Variants in SRGAP2C observed in about 807,000 individuals in gnomAD.
SRGAP2C encodes the protein SLIT-ROBO Rho GTPase activating protein 2C.
SRGAP2C carries 15 observed loss-of-function variants against 25.1 expected under a neutral mutation model. That is an observed-to-expected ratio of 0.60 (90% CI 0.40 to 0.92). The LOEUF (loss-of-function observed/expected upper bound fraction) is 0.92, where lower values mean the gene tolerates loss of function less well. Among genes scored for constraint, SRGAP2C ranks in the 40% least tolerant of loss-of-function variants. The pLI is 0.00. For missense variants in SRGAP2C, 144 were observed against 264.4 expected (o/e 0.54, Z 3.16); for synonymous variants, 44 against 96.6 (o/e 0.46, Z 3.19).
At chr1:121,218,577 TAA>T (rs111467989) in intron 2 of SRGAP2C, among the ~76,000 whole-genome samples, 4 of 128,958 alleles carry the variant, frequency 3.1e-5, no homozygotes, top group Admixed American at 7.7e-5. Flanking sequence ...CCGTCTCTAC[TAA>T]AAAAAAAAAA....
In SRGAP2C at chr1:121,385,957, C is replaced by A. The variant is rs201396886; in HGVS notation, c.1057-549C>A. 2.3e-3 allele frequency among the ~76,000 whole-genome samples: 349 copies of A among 150,222 alleles called. 2 individuals are homozygous for A. Among genetic ancestry groups the A allele is most frequent in the African/African-American group, 8.2e-3 (335 of 40,618 alleles). ...GAAAATGCCAAGCTCCTTCAGATTC[C>A]ATACCCTCTCGGGCCCTCTAGCATA... On this transcript the variant is annotated intron_variant, in intron 8 of 9. Transcript: ENST00000367123.
intron 2 of SRGAP2C, among the ~76,000 whole-genome samples, chr1:121,193,163 ACT>A: frequency 7.7e-6 from 1 of 130,398 alleles, no homozygotes; most frequent in Non-Finnish European, 1.6e-5. Context: ...TATCTCCCTT[ACT>A]CTCTCTAATT....
At chr1:121,374,608 G>A (rs1162960548) in intron 6 of SRGAP2C, among the ~76,000 whole-genome samples, 2 of 152,146 alleles carry the variant, frequency 1.3e-5, no homozygotes, top group African/African-American at 4.8e-5. Flanking sequence ...TCAAAGCGGG[G>A]CACGCATCTT....
intron 2 of SRGAP2C, among the ~76,000 whole-genome samples, chr1:121,195,062 G>GA (rs1215852928): frequency 8.5e-5 from 12 of 141,178 alleles, no homozygotes; most frequent in Non-Finnish European, 1.1e-4. Flanking sequence ...AGAAAGAAAA[G>GA]AAAAAAAATC....
At chr1:121,366,208 C>T (rs1659317854) in intron 5 of SRGAP2C, among the ~76,000 whole-genome samples, 1 of 148,132 alleles carries the variant, frequency 6.8e-6, no homozygotes, top group Admixed American at 6.8e-5. Flanking sequence ...TCCAGGGTTT[C>T]TCCATCCTGT....
intron 2 of SRGAP2C, among the ~76,000 whole-genome samples, chr1:121,258,639 T>C (rs1656539388): frequency 6.8e-6 from 1 of 147,422 alleles, no homozygotes; most frequent in Non-Finnish European, 1.5e-5. Flanking sequence ...CTAATTTTTG[T>C]ATTTTTAGTA....
rs1355433810 is a variant in SRGAP2C, at chr1:121,392,134, G to A, written c.*4279G>A. On this transcript the variant is annotated 3_prime_UTR_variant, in exon 10 of 10. Transcript: ENST00000367123. ...TGAAGAGAAGAAAATGGAAAATACT[G>A]TCTCTGAGAAACAGAAAGAATAAAA... 3 of 152,150 alleles carry A rather than the reference G, an allele frequency of 2.0e-5. No individual in the cohort carries two copies. The highest frequency in any genetic ancestry group is 2.9e-5 in the Non-Finnish European group (2 of 68,016). The allele number at this position is 152,150 out of a possible 1,614,324, so 9.4% of individuals were successfully genotyped here. A position where few individuals can be genotyped will look rare whatever the true frequency, so the allele number is the denominator to read the frequency against.
intron 2 of SRGAP2C, among the ~76,000 whole-genome samples, chr1:121,262,481 C>G (rs1195412962): frequency 1.3e-5 from 1 of 76,614 alleles, no homozygotes. Flanking sequence ...CCAGGATCTA[C>G]ACATAGTTAA....
At chr1:121,221,725 A>AAC (rs1655527662) in intron 2 of SRGAP2C, among the ~76,000 whole-genome samples, 1 of 120,638 alleles carries the variant, frequency 8.3e-6, no homozygotes, top group South Asian at 2.5e-4. Flanking sequence ...AAAAAAAAAA[A>AAC]AAAAAAACAT....
In SRGAP2C at chr1:121,196,495, C is replaced by T. The variant is rs1366494424; in HGVS notation, c.67+8982C>T. 4.4e-4 allele frequency among the ~76,000 whole-genome samples: 36 copies of T among 82,480 alleles called. No homozygotes were observed. In the East Asian group the frequency reaches 8.9e-3, roughly 20 times the overall value. The allele number at this position is 82,480 out of a possible 152,430, so 54.1% of individuals were successfully genotyped here. A position where few individuals can be genotyped will look rare whatever the true frequency, so the allele number is the denominator to read the frequency against. On this transcript the variant is annotated intron_variant, in intron 2 of 9. Transcript: ENST00000367123. ...TGTATTTCATTCTTTTTTCTTCTACCAGACTTCTGAACGTAGGAATGTTTT... is the reference window on the plus strand; with the variant it reads ...TGTATTTCATTCTTTTTTCTTCTACTAGACTTCTGAACGTAGGAATGTTTT...
intron 2 of SRGAP2C, among the ~76,000 whole-genome samples, chr1:121,279,893 G>C (rs1303253504): frequency 6.9e-6 from 1 of 144,974 alleles, no homozygotes; most frequent in Non-Finnish European, 1.5e-5. Context: ...TCATACACAC[G>C]GGGAAATGGA....
Position 121,282,721 on chromosome 1 carries a change from A to AT in SRGAP2C, c.68-2072dup, listed in dbSNP as rs1216453747. The stretch of plus-strand genomic sequence containing the variant: ...AGGCACCTGCCACCATGCCTGGCTA[A>AT]TTTTTTTTTTGTATTTTTAGTAGAG... On this transcript the variant is annotated intron_variant, in intron 2 of 9. Transcript: ENST00000367123. Among the ~76,000 whole-genome samples the AT allele has an allele frequency of 5.5e-4, 75 of 137,230 alleles. 2 individuals carry two copies. In the East Asian group the frequency reaches 6.7e-3, roughly 12 times the overall value. The allele number at this position is 137,230 out of a possible 152,430, so 90.0% of individuals were successfully genotyped here.
chr1:121,191,361 G>A (rs1553319729), intron 2 of SRGAP2C, among the ~76,000 whole-genome samples: 3 of 150,906 alleles, frequency 2.0e-5, no homozygotes, highest in Admixed American at 1.3e-4. Flanking sequence ...TAAATGCTAT[G>A]TAAATAGTTG....
rs1202945109 is a variant in SRGAP2C, at chr1:121,235,641, TA to T, written c.67+48129del. Among the ~76,000 whole-genome samples the T allele has an allele frequency of 5.7e-4, 34 of 59,380 alleles. 1 individual carries two copies. Among genetic ancestry groups the T allele is most frequent in the Admixed American group, 1.2e-3 (8 of 6,428 alleles). 39.0% of individuals were successfully genotyped at this position (59,380 alleles called of 152,430 possible). A position where few individuals can be genotyped will look rare whatever the true frequency, so the allele number is the denominator to read the frequency against. On this transcript the variant is annotated intron_variant, in intron 2 of 9. Coordinates refer to ENST00000367123, the MANE Select transcript of SRGAP2C (RefSeq NM_001329984.2). ...TGCTTTTTCTGTTTTTTTTTTTTTT[TA>T]GGAGGGGGTTCAAATATAAAATATA...
rs1658275138 is a variant in SRGAP2C at position 121,324,455 on chromosome 1, T to C, written c.261-23T>C. On this transcript the variant is annotated intron_variant, in intron 3 of 9. Transcript: ENST00000367123. Reference sequence around the variant, plus strand: ...CTGGCTGTGTATCAACAATGACTTCTTTTCCTTGATGTTTCTTCACAGGAA... The same window carrying C: ...CTGGCTGTGTATCAACAATGACTTCCTTTCCTTGATGTTTCTTCACAGGAA... 3.7e-6 allele frequency: 6 copies of C among 1,609,314 alleles called. No individual in the cohort carries two copies. The Admixed American group carries it at 5.0e-5, about 13-fold the overall frequency.
At chr1:121,202,465 G>T in intron 2 of SRGAP2C, among the ~76,000 whole-genome samples, 2 of 141,020 alleles carry the variant, frequency 1.4e-5, no homozygotes. Flanking sequence ...GTCTTGCTCT[G>T]TCACTCAGGC....
chr1:121,288,347 C>G (rs1657420726), intron 3 of SRGAP2C, among the ~76,000 whole-genome samples: 1 of 142,726 alleles, frequency 7.0e-6, no homozygotes, highest in African/African-American at 2.7e-5. Context: ...AAACCTTGAG[C>G]TAGATACAGA....
At chr1:121,314,781 G>C (rs1356308718) in intron 3 of SRGAP2C, among the ~76,000 whole-genome samples, 1 of 151,256 alleles carries the variant, frequency 6.6e-6, no homozygotes, top group Non-Finnish European at 1.5e-5. Context: ...CAGTCTGCCC[G>C]TTCTCAGATC....
chr1:121,219,292 C>T (rs1352389782), intron 2 of SRGAP2C, among the ~76,000 whole-genome samples: 2 of 122,840 alleles, frequency 1.6e-5, no homozygotes, highest in Admixed American at 8.6e-5. Flanking sequence ...CATAAGCTGG[C>T]AAGTCAGTTA....
Sources: gnomAD v4.1 joint callset for allele counts (sites outside exome capture counted in the v4.1 genomes callset) on GRCh38, gnomAD v4.1.1 for gene constraint, MANE v1.5 for transcripts, NCBI Gene and HGNC (gene_info 2026-07-23, HGNC 2026-07-21) for gene names.